The following RFXANK variants were observed in gnomAD, a reference collection of about 807,000 sequenced individuals.
The protein encoded by RFXANK is DNA-binding protein RFXANK.
A neutral mutation model predicts 34.5 loss-of-function variants in RFXANK; 19 were observed. The ratio of observed to expected loss-of-function variants is 0.55; its 90% CI spans 0.38 to 0.81. The LOEUF is 0.81. Among genes scored for constraint, RFXANK ranks in the 30% least tolerant of loss-of-function variants. The pLI, the probability that RFXANK is intolerant of heterozygous loss-of-function variation, is 0.00. For missense variants in RFXANK, 295 were observed against 343.5 expected (o/e 0.86, Z 1.12); for synonymous variants, 154 against 149.8 (o/e 1.03, Z -0.20).
At chr19:19,195,441 G>A (rs1440348311) in intron 3 of RFXANK, among the ~76,000 whole-genome samples, 1 of 151,894 alleles carries the variant, frequency 6.6e-6, no homozygotes, top group Admixed American at 6.6e-5. Context: ...AGCCTCCCAA[G>A]TAGCTGGCAT....
At chr19:19,199,894 G>A (rs1359086431) in intron 9 of RFXANK, among the ~76,000 whole-genome samples, 2 of 152,188 alleles carry the variant, frequency 1.3e-5, no homozygotes, top group African/African-American at 4.8e-5. Context: ...CTGGGGTCAT[G>A]GTAGAGATGG....
chr19:19,196,758 G>A (rs1203028594), intron 3 of RFXANK, among the ~76,000 whole-genome samples: 2 of 151,890 alleles, frequency 1.3e-5, no homozygotes, highest in African/African-American at 4.8e-5. Context: ...CCAGCTACTC[G>A]GGAGGCTGAG....
chr19:19,199,095 C>G (rs1188831268), intron 8 of RFXANK, 59 bp from the exon 9 acceptor site: 21 of 1,511,186 alleles, frequency 1.4e-5, no homozygotes, highest in Non-Finnish European at 1.9e-5. Context: ...CCCAGGTCCC[C>G]AGACCCCATT....
intron 7 of RFXANK, among the ~76,000 whole-genome samples, 185 bp from the exon 8 acceptor site, chr19:19,198,472 T>C (rs1343076096): frequency 6.6e-6 from 1 of 152,238 alleles, no homozygotes; most frequent in Non-Finnish European, 1.5e-5. Context: ...AAGAGCCCCA[T>C]GTGGGCAAGG....
At chr19:19,198,991 C>T in intron 8 of RFXANK, 163 bp from the exon 9 acceptor site, 1 of 785,416 alleles carries the variant, frequency 1.3e-6, no homozygotes. Context: ...CAGTGGAGAC[C>T]AAGATAGCAG....
intron 6 of RFXANK, 23 bp from the exon 7 acceptor site, chr19:19,198,078 CCTACCA>C (rs1390977758): frequency 3.7e-6 from 6 of 1,612,846 alleles, no homozygotes; most frequent in Non-Finnish European, 5.1e-6. Context: ...CCCAATCCAT[CCTACCA>C]CTGTCCCTTC....
Position 19,192,385 on chromosome 19 carries a change from A to G in RFXANK, c.-319A>G. 3.7e-6 allele frequency: 2 copies of G among 539,800 alleles called. No individual in the cohort carries two copies. Among genetic ancestry groups the G allele is most frequent in the Non-Finnish European group, 6.6e-6 (2 of 302,662 alleles). 33.4% of individuals were successfully genotyped at this position (539,800 alleles called of 1,614,324 possible). ...ACACCCAGGCAGGAGAGGGGGAAGAACTCTCTCCCTTTCTGAACCCCCTTT... is the reference window on the plus strand; with the variant it reads ...ACACCCAGGCAGGAGAGGGGGAAGAGCTCTCTCCCTTTCTGAACCCCCTTT... On this transcript the variant is annotated 5_prime_UTR_variant, in exon 1 of 10. Coordinates refer to ENST00000303088, the MANE Select transcript of RFXANK (RefSeq NM_003721.4).
Position 19,197,628 on chromosome 19 carries a change from C to G in RFXANK, c.438+7C>G. 6.2e-7 allele frequency: 1 copy of G among 1,612,992 alleles called. No homozygotes were observed. Among genetic ancestry groups the G allele is most frequent in the Non-Finnish European group, 8.5e-7 (1 of 1,179,542 alleles). On this transcript the variant is annotated splice_region_variant and intron_variant, in intron 6 of 9. Coordinates refer to ENST00000303088, the MANE Select transcript of RFXANK (RefSeq NM_003721.4). ...TCGCTTCCTGCTGGAGTGGGTGCGT[C>G]CCAGCCCAGCTGGGCAGCTGGGGGG...
At chr19:19,195,267 C>T (rs377030506) in intron 3 of RFXANK, among the ~76,000 whole-genome samples, 3 of 128,816 alleles carry the variant, frequency 2.3e-5, no homozygotes, top group African/African-American at 5.9e-5. Flanking sequence ...CCCCTCCCCT[C>T]GCCTCCCCTC....
At chr19:19,196,684 G>T (rs1221808554) in intron 3 of RFXANK, among the ~76,000 whole-genome samples, 1 of 151,956 alleles carries the variant, frequency 6.6e-6, no homozygotes, top group Non-Finnish European at 1.5e-5. Context: ...GGCCAACATA[G>T]CGAAACCCCG....
At chr19:19,201,533 G>A (rs566568874) in intron 9 of RFXANK, 116 bp from the exon 10 acceptor site, 51 of 1,603,382 alleles carry the variant, frequency 3.2e-5, no homozygotes, top group African/African-American at 2.8e-4. Context: ...GCTCTGTAAT[G>A]CAGGTCTCTG....
At chr19:19,196,091 C>T (rs556004478) in intron 3 of RFXANK, among the ~76,000 whole-genome samples, 1 of 152,076 alleles carries the variant, frequency 6.6e-6, no homozygotes, top group Non-Finnish European at 1.5e-5. Flanking sequence ...TATTATTTCT[C>T]TATGTCTGAT....
Position 19,192,330 on chromosome 19 carries a change from G to T in RFXANK, c.-374G>T. 1.6e-6 allele frequency: 1 copy of T among 619,436 alleles called. No individual in the cohort carries two copies. The highest frequency in any genetic ancestry group is 2.8e-6 in the Non-Finnish European group (1 of 358,178). The allele number at this position is 619,436 out of a possible 1,614,324, so 38.4% of individuals were successfully genotyped here. A position where few individuals can be genotyped will look rare whatever the true frequency, so the allele number is the denominator to read the frequency against. On this transcript the variant is annotated 5_prime_UTR_variant, in exon 1 of 10. Coordinates refer to ENST00000303088, the MANE Select transcript of RFXANK (RefSeq NM_003721.4). ...ACCCGGGGGTGGCGCAGTGAGGAGG[G>T]GGCGCGACGGCCAGGAGGCTGGTGG...
intron 2 of RFXANK, among the ~76,000 whole-genome samples, chr19:19,193,393 C>T (rs1367932413): frequency 6.6e-6 from 1 of 151,538 alleles, no homozygotes; most frequent in Non-Finnish European, 1.5e-5. Flanking sequence ...ACCCCAGAGC[C>T]CCGGCTTTTT....
intron 3 of RFXANK, among the ~76,000 whole-genome samples, chr19:19,194,706 T>G (rs1478644641): frequency 1.3e-5 from 2 of 150,744 alleles, no homozygotes; most frequent in East Asian, 1.9e-4. Flanking sequence ...TTTTTTTTTT[T>G]GGGAGGCTGG....
At chr19:19,201,355 G>C (rs938210956) in intron 9 of RFXANK, 1 of 971,146 alleles carries the variant, frequency 1.0e-6, no homozygotes. Flanking sequence ...TGGGATTATA[G>C]GTGTGAGCCA....
intron 3 of RFXANK, among the ~76,000 whole-genome samples, chr19:19,196,372 C>T (rs1286004854): frequency 2.0e-5 from 3 of 151,768 alleles, no homozygotes; most frequent in African/African-American, 4.8e-5. Context: ...CCAGCCTGGG[C>T]GACAGAGCAA....
intron 2 of RFXANK, among the ~76,000 whole-genome samples, chr19:19,193,412 C>CTTTTTTTTTT (rs71338310): frequency 3.2e-5 from 3 of 94,832 alleles, no homozygotes; most frequent in African/African-American, 8.2e-5. Context: ...TTTTTCCTTT[C>CTTTTTTTTTT]TTTTTTTTTT....
At chr19:19,194,685 G>A (rs1019728157) in intron 3 of RFXANK, among the ~76,000 whole-genome samples, 2 of 151,434 alleles carry the variant, frequency 1.3e-5, no homozygotes, top group Non-Finnish European at 2.9e-5. Flanking sequence ...AACCACACCT[G>A]GCTAATTTTT....
Sources: allele counts gnomAD v4.1 joint callset (sites outside exome capture counted in the v4.1 genomes callset), GRCh38; gene constraint gnomAD v4.1.1; transcripts MANE v1.5; gene names NCBI Gene and HGNC (gene_info 2026-07-23, HGNC 2026-07-21).